Variants in TYR observed in about 807,000 individuals in gnomAD.
TYR encodes the protein LB24-AB.
TYR carries 58 observed loss-of-function variants against 51.5 expected under a neutral mutation model. That is an observed-to-expected ratio of 1.13 (90% CI 0.91 to 1.40). The LOEUF (loss-of-function observed/expected upper bound fraction) is 1.40. Among genes scored for constraint, TYR ranks in the 40% most tolerant of loss-of-function variants. TYR has a pLI of 0.00. For missense variants in TYR, 732 were observed against 647.4 expected, an observed-to-expected ratio of 1.13 and a Z score of -1.42; for synonymous variants, 263 against 235.2, an observed-to-expected ratio of 1.12 and a Z score of -1.08.
At chr11:89,233,448 A>G (rs1176190410) in intron 3 of TYR, among the ~76,000 whole-genome samples, 1 of 138,812 alleles carries the variant, frequency 7.2e-6, no homozygotes, top group Non-Finnish European at 1.5e-5. Flanking sequence ...CCTTCCATGA[A>G]TCAGAAATGT....
chr11:89,220,035 C>T (rs748290888), intron 2 of TYR, among the ~76,000 whole-genome samples: 1 of 152,066 alleles, frequency 6.6e-6, no homozygotes, highest in Non-Finnish European at 1.5e-5. Flanking sequence ...TAATTAAGAG[C>T]AAAGCTTGGA....
At chr11:89,288,813 T>C (rs183272738) in intron 4 of TYR, among the ~76,000 whole-genome samples, 1 of 152,146 alleles carries the variant, frequency 6.6e-6, no homozygotes, top group East Asian at 1.9e-4. Flanking sequence ...TTTTTCCATA[T>C]TGTTGCCTCT....
chr11:89,230,449 A>T (rs752660747), intron 3 of TYR, among the ~76,000 whole-genome samples: 1 of 152,128 alleles, frequency 6.6e-6, no homozygotes, highest in Non-Finnish European at 1.5e-5. Context: ...ATATGGTAAA[A>T]GTTCCAAGAC....
rs61753256 is a variant in TYR at position 89,178,299 on chromosome 11, C to T, written c.346C>T (p.Arg116Ter). 37 of 1,614,110 alleles carry T rather than the reference C, an allele frequency of 2.3e-5. No individual in the cohort carries two copies. Among genetic ancestry groups the T allele is most frequent in the East Asian group, 1.8e-4 (8 of 44,856 alleles). ...TTGGGGACCAAACTGCACAGAGAGA[C>T]GACTCTTGGTGAGAAGAAACATCTT... Reference protein sequence around the residue: ...GFWGPNCTERRLLVRRNIFDL... With the variant: ...GFWGPNCTER The change falls in exon 1 of 5, where the codon CGA becomes TGA. Residue 116 changes from arginine (R) to a stop codon, truncating the protein, a stop_gained. Coordinates refer to ENST00000263321, the MANE Select transcript of TYR (RefSeq NM_000372.5). LOFTEE classifies it high-confidence loss of function.
chr11:89,271,007 T>G (rs1414704383), intron 3 of TYR, among the ~76,000 whole-genome samples: 2 of 151,848 alleles, frequency 1.3e-5, no homozygotes, highest in African/African-American at 4.8e-5. Flanking sequence ...ATATGTCAAC[T>G]CTTAAAAGTT....
intron 2 of TYR, among the ~76,000 whole-genome samples, chr11:89,226,310 C>A (rs759909025): frequency 8.5e-5 from 13 of 152,068 alleles, no homozygotes; most frequent in Non-Finnish European, 1.9e-4. Context: ...CCTCTAAGCC[C>A]TTTCTTTCCA....
chr11:89,266,215 A>G (rs1032067005), intron 3 of TYR, among the ~76,000 whole-genome samples: 2 of 151,944 alleles, frequency 1.3e-5, no homozygotes, highest in African/African-American at 4.8e-5. Flanking sequence ...TGCCAATGAT[A>G]TTAGTGTTAT....
intron 3 of TYR, among the ~76,000 whole-genome samples, chr11:89,261,846 G>A (rs1590885686): frequency 6.6e-6 from 1 of 151,366 alleles, no homozygotes; most frequent in African/African-American, 2.4e-5. Context: ...ATCATACAAG[G>A]TATATTCTCC....
rs533588282 is a variant in TYR at position 89,185,549 on chromosome 11, C to T, written c.820-5653C>T. Reference sequence around the variant, plus strand: ...AATAAATGTGTCTTCATGAAGGATGCGTTTTTATAAGGGACGTAACAATCA... The same window carrying T: ...AATAAATGTGTCTTCATGAAGGATGTGTTTTTATAAGGGACGTAACAATCA... On this transcript the variant is annotated intron_variant, in intron 1 of 4. Coordinates refer to ENST00000263321, the MANE Select transcript of TYR (RefSeq NM_000372.5). Among the ~76,000 whole-genome samples the T allele has an allele frequency of 7.9e-5, 12 of 152,120 alleles. No homozygotes were observed. The South Asian group carries it at 8.3e-4, about 11-fold the overall frequency.
intron 1 of TYR, among the ~76,000 whole-genome samples, chr11:89,186,902 G>A (rs367852237): frequency 1.2e-4 from 18 of 152,270 alleles, no homozygotes; most frequent in African/African-American, 3.4e-4. Context: ...TTGTGTATGC[G>A]TAGAGAAACG....
At chr11:89,280,202 C>T (rs1282200429) in intron 3 of TYR, among the ~76,000 whole-genome samples, 2 of 151,646 alleles carry the variant, frequency 1.3e-5, no homozygotes, top group African/African-American at 4.8e-5. Flanking sequence ...AGCCCTAGAA[C>T]CTGCCGTTTC....
At chr11:89,252,057 T>A (rs1944337520) in intron 3 of TYR, among the ~76,000 whole-genome samples, 1 of 151,832 alleles carries the variant, frequency 6.6e-6, no homozygotes, top group African/African-American at 2.4e-5. Context: ...CTTTTCTGAT[T>A]TCCAATGTCC....
chr11:89,274,860 A>G (rs1405672623), intron 3 of TYR, among the ~76,000 whole-genome samples: 1 of 151,408 alleles, frequency 6.6e-6, no homozygotes, highest in Non-Finnish European at 1.5e-5. Context: ...AATTCCCCTC[A>G]CTTTCACTGC....
chr11:89,284,919 A>G lies in TYR; in HGVS notation c.1331A>G (p.Asp444Gly). 1 of 1,611,716 alleles carries G rather than the reference A, an allele frequency of 6.2e-7. No individual in the cohort carries two copies. Among genetic ancestry groups the G allele is most frequent in the Non-Finnish European group, 8.5e-7 (1 of 1,178,422 alleles). Residue 444 changes from aspartate (D) to glycine (G), a missense_variant, in exon 4 of 5, where the codon GAT becomes GGT. By Grantham distance (94) the Asp-to-Gly change is moderately conservative. Coordinates refer to ENST00000263321, the MANE Select transcript of TYR (RefSeq NM_000372.5). ...GGTGATTTCTTTATTTCATCCAAAGATCTGGGCTATGACTATAGCTATCTA... is the reference window on the plus strand; with the variant it reads ...GGTGATTTCTTTATTTCATCCAAAGGTCTGGGCTATGACTATAGCTATCTA... ...RNGDFFISSK[D>G]LGYDYSYLQD... is the part of the protein sequence containing the mutation.
At chr11:89,277,014 A>AT (rs1191173689) in intron 3 of TYR, among the ~76,000 whole-genome samples, 11 of 151,714 alleles carry the variant, frequency 7.3e-5, no homozygotes, top group Non-Finnish European at 1.3e-4. Flanking sequence ...ATATTGTCTC[A>AT]TTTTATCCTT....
intron 2 of TYR, among the ~76,000 whole-genome samples, chr11:89,222,768 A>G (rs897916614): frequency 6.6e-6 from 1 of 152,110 alleles, no homozygotes; most frequent in African/African-American, 2.4e-5. Context: ...GTTGCCATTG[A>G]CCTGAAACTG....
intron 1 of TYR, among the ~76,000 whole-genome samples, chr11:89,186,434 G>C (rs1943373859): frequency 6.6e-6 from 1 of 152,014 alleles, no homozygotes; most frequent in African/African-American, 2.4e-5. Context: ...TGTTTTCCTG[G>C]GATGGGTCTT....
At chr11:89,232,524 C>A (rs1183689606) in intron 3 of TYR, among the ~76,000 whole-genome samples, 1 of 141,436 alleles carries the variant, frequency 7.1e-6, no homozygotes, top group Non-Finnish European at 1.5e-5. Flanking sequence ...AAGATGGGAG[C>A]CATAGATATT....
rs562417942 is a variant in TYR at position 89,220,928 on chromosome 11, G to A, written c.1037-6895G>A. On this transcript the variant is annotated intron_variant, in intron 2 of 4. Coordinates refer to ENST00000263321, the MANE Select transcript of TYR (RefSeq NM_000372.5). ...AGAGGCAATTAAGTAGTAGAGAAGA[G>A]AAAACACAAACACCGAGGTTAACAA... is the stretch of plus-strand genomic sequence containing the variant. Among the ~76,000 whole-genome samples, 7 of 152,254 alleles carry A rather than the reference G, an allele frequency of 4.6e-5. No homozygotes were observed. In the South Asian group the frequency reaches 1.5e-3, roughly 32 times the overall value.
Sources: gnomAD v4.1 joint callset for allele counts (sites outside exome capture counted in the v4.1 genomes callset) on GRCh38, gnomAD v4.1.1 for gene constraint, MANE v1.5 for transcripts, NCBI Gene and HGNC (gene_info 2026-07-23, HGNC 2026-07-21) for gene names.